Variants in FRMD4A observed in about 807,000 individuals in gnomAD.
FRMD4A encodes FERM domain containing 4A, also known as FERM domain-containing protein 4A.
Under a neutral mutation model 129.1 loss-of-function variants are expected in FRMD4A, and 29 were observed. The ratio of observed to expected loss-of-function variants is 0.22; its 90% CI spans 0.17 to 0.31. FRMD4A has a LOEUF of 0.31. FRMD4A is among the 10% of genes least tolerant of loss of function. The probability of loss-of-function intolerance (pLI) is 1.00; values close to 1 mark genes in which losing one functional copy is unlikely to be tolerated. For synonymous variants in FRMD4A, 634 were observed against 571.6 expected (o/e 1.11, Z -1.56); for missense variants, 1,272 against 1,375.8 (o/e 0.92, Z 1.19).
At chr10:13,998,535 G>T (rs927637072) in intron 2 of FRMD4A, among the ~76,000 whole-genome samples, 5 of 152,116 alleles carry the variant, frequency 3.3e-5, no homozygotes, top group Admixed American at 6.5e-5. Context: ...CTCAAGTTTA[G>T]CACATCACGA....
chr10:14,109,085 T>C (rs1378922121), intron 2 of FRMD4A, among the ~76,000 whole-genome samples: 1 of 152,124 alleles, frequency 6.6e-6, no homozygotes, highest in Non-Finnish European at 1.5e-5. Context: ...TGAAAGGCTC[T>C]CCAAGGGTTG....
intron 2 of FRMD4A, among the ~76,000 whole-genome samples, chr10:14,194,609 TCAACAA>T (rs1046419901): frequency 6.6e-6 from 1 of 151,936 alleles, no homozygotes; most frequent in Admixed American, 6.6e-5. Flanking sequence ...AGACTCTGTC[TCAACAA>T]CAACAACAAC....
At chr10:14,316,731 A>C (rs1846756443) in intron 2 of FRMD4A, among the ~76,000 whole-genome samples, 1 of 152,178 alleles carries the variant, frequency 6.6e-6, no homozygotes, top group South Asian at 2.1e-4. Flanking sequence ...TGGTGACCAC[A>C]TGAGGAATAT....
At chr10:14,036,298 C>T (rs560279972) in intron 2 of FRMD4A, among the ~76,000 whole-genome samples, 141 of 152,228 alleles carry the variant, frequency 9.3e-4, no homozygotes, top group African/African-American at 3.3e-3. Context: ...TATGTTTCGC[C>T]CCATCATTAG....
At chr10:14,162,595 T>C (rs1225449799) in intron 2 of FRMD4A, among the ~76,000 whole-genome samples, 2 of 151,398 alleles carry the variant, frequency 1.3e-5, no homozygotes, top group Admixed American at 1.3e-4. Flanking sequence ...CCCACTCTCA[T>C]CCCAGCCAAT....
intron 2 of FRMD4A, among the ~76,000 whole-genome samples, chr10:14,173,388 A>T (rs777024627): frequency 4.6e-5 from 7 of 152,352 alleles, no homozygotes; most frequent in Non-Finnish European, 1.0e-4. Context: ...GACCAAAACC[A>T]GTTCCCCGTG....
intron 2 of FRMD4A, among the ~76,000 whole-genome samples, chr10:13,989,081 T>G (rs533726394): frequency 9.3e-4 from 142 of 152,160 alleles, no homozygotes; most frequent in East Asian, 6.0e-3. Context: ...AAATATTTGG[T>G]GGGGACATAA....
chr10:14,156,976 C>T (rs779893290), intron 2 of FRMD4A, among the ~76,000 whole-genome samples: 6 of 152,164 alleles, frequency 3.9e-5, no homozygotes, highest in South Asian at 2.1e-4. Context: ...TTAAAGCAGT[C>T]GCTTTTATTG....
chr10:14,146,012 T>A (rs1398095824), intron 2 of FRMD4A, among the ~76,000 whole-genome samples: 1 of 152,192 alleles, frequency 6.6e-6, no homozygotes, highest in Non-Finnish European at 1.5e-5. Context: ...AATGAAAGAA[T>A]CATTGCAAAC....
At chr10:13,749,752 G>A (rs951282585) in intron 8 of FRMD4A, among the ~76,000 whole-genome samples, 6 of 152,028 alleles carry the variant, frequency 3.9e-5, no homozygotes, top group Non-Finnish European at 8.8e-5. Flanking sequence ...ATCTGGGGAG[G>A]CCGAAGTGGG....
chr10:13,724,785 C>G (rs2089762170), intron 12 of FRMD4A, among the ~76,000 whole-genome samples: 1 of 152,184 alleles, frequency 6.6e-6, no homozygotes, highest in Non-Finnish European at 1.5e-5. Flanking sequence ...ATTTATATGG[C>G]CTTTCTCAGT....
chr10:14,330,307 G>GAAA (rs35432616), intron 1 of FRMD4A, 124 bp from the exon 2 acceptor site: 118 of 426,016 alleles, frequency 2.8e-4, no homozygotes, highest in East Asian at 6.8e-4. Context: ...GCTTAGGGAG[G>GAAA]AAAAAAAAAA....
rs562476490 is a variant in FRMD4A at position 13,934,870 on chromosome 10, T to C, written c.46-75958A>G. On this transcript the variant is annotated intron_variant, in intron 2 of 24. Transcript: ENST00000357447. Reference sequence around the variant, plus strand: ...CTGGGTAATTTATAAACATTAGAAATTTATTGCTAACAGTTCTGGGGGCTG... The same window carrying C: ...CTGGGTAATTTATAAACATTAGAAACTTATTGCTAACAGTTCTGGGGGCTG... 5.3e-5 allele frequency among the ~76,000 whole-genome samples: 8 copies of C among 152,244 alleles called. No individual in the cohort carries two copies. In the South Asian group the frequency reaches 1.7e-3, roughly 32 times the overall value.
intron 2 of FRMD4A, among the ~76,000 whole-genome samples, chr10:14,073,096 C>G (rs963665139): frequency 6.6e-6 from 1 of 152,196 alleles, no homozygotes; most frequent in East Asian, 1.9e-4. Context: ...CCCCTTGTAA[C>G]CTGCACCCTT....
intron 2 of FRMD4A, among the ~76,000 whole-genome samples, chr10:14,174,075 T>G (rs987777883): frequency 6.6e-6 from 1 of 151,990 alleles, no homozygotes; most frequent in Non-Finnish European, 1.5e-5. Flanking sequence ...AGTTTCTGTC[T>G]CCTGCAAGTT....
At chr10:13,939,162 C>T (rs1026580) in intron 2 of FRMD4A, among the ~76,000 whole-genome samples, 86,767 of 152,036 alleles carry the variant, frequency 0.57, 25,842 homozygotes, top group East Asian at 0.78. Context: ...AACGCCAGTA[C>T]CAACCGTATG....
intron 2 of FRMD4A, among the ~76,000 whole-genome samples, chr10:14,291,572 C>CA (rs1845850853): frequency 6.6e-6 from 1 of 151,814 alleles, no homozygotes; most frequent in Non-Finnish European, 1.5e-5. Flanking sequence ...CTGCAGATGT[C>CA]AAAATAATAA....
chr10:14,273,370 C>T (rs527487606), intron 2 of FRMD4A, among the ~76,000 whole-genome samples: 4 of 152,236 alleles, frequency 2.6e-5, no homozygotes, highest in African/African-American at 9.6e-5. Flanking sequence ...TAGGGACGCC[C>T]CTTTATTCCG....
intron 13 of FRMD4A, among the ~76,000 whole-genome samples, chr10:13,704,307 C>G (rs1481933922): frequency 6.6e-6 from 1 of 152,230 alleles, no homozygotes; most frequent in Non-Finnish European, 1.5e-5. Flanking sequence ...CCACCTCTGG[C>G]CTCCCTGGGC....
Sources: allele counts gnomAD v4.1 joint callset (sites outside exome capture counted in the v4.1 genomes callset), GRCh38; gene constraint gnomAD v4.1.1; transcripts MANE v1.5; gene names NCBI Gene and HGNC (gene_info 2026-07-23, HGNC 2026-07-21).